Variants in ABLIM2 observed in about 807,000 individuals in gnomAD.
ABLIM2 encodes the protein actin-binding LIM protein 2.
Under a neutral mutation model 97.7 loss-of-function variants are expected in ABLIM2, and 53 were observed. That is an observed-to-expected ratio of 0.54 (90% CI 0.44 to 0.68). The LOEUF (loss-of-function observed/expected upper bound fraction) is 0.68. ABLIM2 is among the 30% of genes least tolerant of loss of function. The probability of loss-of-function intolerance (pLI) is 0.00; values close to 1 mark genes in which losing one functional copy is unlikely to be tolerated. For synonymous variants in ABLIM2, 361 were observed against 345.8 expected, an observed-to-expected ratio of 1.04 and a Z score of -0.49; for missense variants, 835 against 867.2, an observed-to-expected ratio of 0.96 and a Z score of 0.47.
At chr4:8,136,281 G>A (rs1466889012) in intron 1 of ABLIM2, among the ~76,000 whole-genome samples, 2 of 152,176 alleles carry the variant, frequency 1.3e-5, no homozygotes, top group Non-Finnish European at 2.9e-5. Flanking sequence ...GGGTGGCAGG[G>A]GCCGGGGAGT....
chr4:8,142,148 C>T (rs1382780440), intron 1 of ABLIM2, among the ~76,000 whole-genome samples: 4 of 152,214 alleles, frequency 2.6e-5, no homozygotes, highest in African/African-American at 4.8e-5. Context: ...ATAACTAACC[C>T]TCTTTCCTGG....
Position 8,020,196 on chromosome 4 carries a change from G to A in ABLIM2, c.1369+6C>T. On this transcript the variant is annotated splice_donor_region_variant and intron_variant, in intron 13 of 20. Transcript: ENST00000447017. Reference sequence around the variant, plus strand: ...AGGAGCCCAGCCAGCGTGTCCCGGAGCCTACCTGGGACGTGGAAGTGGCGA... The same window carrying A: ...AGGAGCCCAGCCAGCGTGTCCCGGAACCTACCTGGGACGTGGAAGTGGCGA... The A allele has an allele frequency of 6.2e-7, 1 of 1,611,756 alleles. No individual in the cohort carries two copies. The highest frequency in any genetic ancestry group is 8.5e-7 in the Non-Finnish European group (1 of 1,178,582).
chr4:8,006,512 T>C (rs1761396372), intron 16 of ABLIM2, among the ~76,000 whole-genome samples: 1 of 152,230 alleles, frequency 6.6e-6, no homozygotes, highest in South Asian at 2.1e-4. Flanking sequence ...GGCAAATGCC[T>C]TGATGCCGGG....
intron 1 of ABLIM2, among the ~76,000 whole-genome samples, chr4:8,156,933 A>C (rs1020338865): frequency 6.6e-6 from 1 of 152,224 alleles, no homozygotes; most frequent in South Asian, 2.1e-4. Context: ...CCCGGAGAGC[A>C]CACATTGCCA....
chr4:8,098,655 C>T (rs1398395504), intron 2 of ABLIM2, among the ~76,000 whole-genome samples: 5 of 152,188 alleles, frequency 3.3e-5, no homozygotes, highest in Non-Finnish European at 7.3e-5. Flanking sequence ...TGCCGGGATT[C>T]GAATCCCAGC....
intron 1 of ABLIM2, among the ~76,000 whole-genome samples, chr4:8,154,282 T>C (rs1468788721): frequency 8.6e-5 from 3 of 34,812 alleles, no homozygotes; most frequent in East Asian, 9.3e-4. Flanking sequence ...TTTTCTTTTC[T>C]TTTTTTTTTT....
Position 8,083,228 on chromosome 4 carries a change from C to A in ABLIM2, c.455-2426G>T, listed in dbSNP as rs1373534506. 2.0e-5 allele frequency among the ~76,000 whole-genome samples: 3 copies of A among 152,184 alleles called. No individual in the cohort carries two copies. The highest frequency in any genetic ancestry group is 6.5e-5 in the Admixed American group (1 of 15,288). The stretch of plus-strand genomic sequence containing the variant: ...CCAGAGGACAGACAGCAGACAGCAG[C>A]GGTCAGATCCCAGCAATGCCCCCCA... On this transcript the variant is annotated intron_variant, in intron 4 of 20. Coordinates refer to ENST00000447017, the MANE Select transcript of ABLIM2 (RefSeq NM_001130083.2). This position sits in a 1 kb window ranked among gnomAD's most constrained non-coding sequence, Gnocchi z 4.6.
At position 8,058,348 on chromosome 4, in the gene ABLIM2, C is replaced by T. The variant is rs888062385; in HGVS notation, c.763+2619G>A. Among the ~76,000 whole-genome samples, 6 of 152,206 alleles carry T rather than the reference C, an allele frequency of 3.9e-5. No homozygotes were observed. The highest frequency in any genetic ancestry group is 1.4e-4 in the African/African-American group (6 of 41,468). The stretch of plus-strand genomic sequence containing the variant: ...CGAGGCTGTCCTGTCTGACATCACC[C>T]CGCTGGGTTCGGCCTGAGAAAGGCA... On this transcript the variant is annotated intron_variant, in intron 7 of 20. Coordinates refer to ENST00000447017, the MANE Select transcript of ABLIM2 (RefSeq NM_001130083.2). The surrounding 1 kb of genome is among the most constrained non-coding windows in gnomAD (Gnocchi z 4.2).
chr4:8,006,844 G>A (rs1394103871), intron 16 of ABLIM2, among the ~76,000 whole-genome samples: 3 of 152,102 alleles, frequency 2.0e-5, no homozygotes, highest in African/African-American at 7.2e-5. Context: ...CTGCCATCTG[G>A]GGTGAACCCC....
chr4:8,124,539 C>A lies in ABLIM2; in HGVS notation c.11-17902G>T, dbSNP rs1039840749. On this transcript the variant is annotated intron_variant, in intron 1 of 20. Transcript: ENST00000447017. This position sits in a 1 kb window ranked among gnomAD's most constrained non-coding sequence, Gnocchi z 6.1. ...TCCTTCGCGACTGGCTTCTTTCACT[C>A]GGCGTCATGTTTTCAGGGAGTGTCC... Among the ~76,000 whole-genome samples the A allele has an allele frequency of 6.6e-6, 1 of 152,146 alleles. No homozygotes were observed. The highest frequency in any genetic ancestry group is 2.4e-5 in the African/African-American group (1 of 41,436).
At chr4:8,036,570 A>G (rs1186806713) in intron 9 of ABLIM2, among the ~76,000 whole-genome samples, 4 of 152,150 alleles carry the variant, frequency 2.6e-5, no homozygotes, top group Non-Finnish European at 1.5e-5. Context: ...TGAAATGGGG[A>G]CGGGGTCAAA....
intron 6 of ABLIM2, among the ~76,000 whole-genome samples, chr4:8,076,341 G>T (rs554876615): frequency 6.6e-6 from 1 of 152,308 alleles, no homozygotes; most frequent in Non-Finnish European, 1.5e-5. Flanking sequence ...AATGCTTTTG[G>T]GTCCTGGGTA....
Position 8,088,301 on chromosome 4 carries a change from C to T in ABLIM2, c.339-17G>A, listed in dbSNP as rs11722016. 465,533 of 1,603,432 alleles carry T rather than the reference C, an allele frequency of 0.29. 70,911 individuals carry two copies. The highest frequency in any genetic ancestry group is 0.38 in the Middle Eastern group (2,278 of 6,032). Reference sequence around the variant, plus strand: ...AAGGGCAGCCTGAAACAAGAGAGCTCGTTACCAGCCAGGCCCACCTTCTGG... The same window carrying T: ...AAGGGCAGCCTGAAACAAGAGAGCTTGTTACCAGCCAGGCCCACCTTCTGG... On this transcript the variant is annotated splice_polypyrimidine_tract_variant and intron_variant, in intron 3 of 20. Transcript: ENST00000447017.
intron 10 of ABLIM2, among the ~76,000 whole-genome samples, 184 bp downstream of exon 10, chr4:8,035,965 G>A (rs890082941): frequency 1.3e-5 from 2 of 152,174 alleles, no homozygotes; most frequent in African/African-American, 4.8e-5. Context: ...ACAGTGCCTT[G>A]GGCATTACTG....
Position 8,005,856 on chromosome 4 carries a change from G to T in ABLIM2, c.1618+2203C>A, listed in dbSNP as rs1262078766. ...TCTTCATAAGCAGGCATGGCCAGGG[G>T]AAGGACACATATGTCTGTGCTGGAG... On this transcript the variant is annotated intron_variant, in intron 16 of 20. Transcript: ENST00000447017. This position sits in a 1 kb window ranked among gnomAD's most constrained non-coding sequence, Gnocchi z 4.9. 6.6e-6 allele frequency among the ~76,000 whole-genome samples: 1 copy of T among 152,230 alleles called. No homozygotes were observed. The highest frequency in any genetic ancestry group is 2.4e-5 in the African/African-American group (1 of 41,462).
intron 6 of ABLIM2, among the ~76,000 whole-genome samples, chr4:8,064,649 G>T (rs1410547961): frequency 6.6e-6 from 1 of 152,190 alleles, no homozygotes; most frequent in Non-Finnish European, 1.5e-5. Context: ...GAACAACATG[G>T]AGGATGCTGG....
rs1431213745 is a variant in ABLIM2 at position 8,068,967 on chromosome 4, TC to T, written c.676-7914del. On this transcript the variant is annotated intron_variant, in intron 6 of 20. Coordinates refer to ENST00000447017, the MANE Select transcript of ABLIM2 (RefSeq NM_001130083.2). The surrounding 1 kb of genome is among the most constrained non-coding windows in gnomAD (Gnocchi z 4.5). ...GGCGGCCAGGACAGAATCCCCAGAA[TC>T]CCCAGGGGCCACTGCATCCCAGAAA... Among the ~76,000 whole-genome samples the T allele has an allele frequency of 2.6e-5, 4 of 152,182 alleles. No homozygotes were observed. The highest frequency in any genetic ancestry group is 5.9e-5 in the Non-Finnish European group (4 of 68,024).
intron 10 of ABLIM2, 36 bp from the exon 11 acceptor site, chr4:8,029,812 C>T (rs182628821): frequency 2.8e-5 from 44 of 1,553,170 alleles, no homozygotes; most frequent in South Asian, 2.6e-4. Flanking sequence ...ACACTGGAGC[C>T]GGGAGCACTT....
rs1011882299 is a variant in ABLIM2, at chr4:8,082,739, G to C, written c.455-1937C>G. ...GAGGCTGTGGGCTTGAGAAACACGT[G>C]GGGAATGAATGAATGAATGAATGGG... On this transcript the variant is annotated intron_variant, in intron 4 of 20. Transcript: ENST00000447017. The surrounding 1 kb of genome is among the most constrained non-coding windows in gnomAD (Gnocchi z 5.6). Among the ~76,000 whole-genome samples the C allele has an allele frequency of 1.3e-5, 2 of 152,164 alleles. No homozygotes were observed. Among genetic ancestry groups the C allele is most frequent in the African/African-American group, 4.8e-5 (2 of 41,448 alleles).
Sources: gnomAD v4.1 joint callset for allele counts (sites outside exome capture counted in the v4.1 genomes callset) on GRCh38, gnomAD v4.1.1 for gene constraint, Gnocchi (gnomAD v3.1) non-coding constraint, MANE v1.5 for transcripts, NCBI Gene and HGNC (gene_info 2026-07-23, HGNC 2026-07-21) for gene names.